The following ANKRD11 variants were observed in gnomAD, a reference collection of about 807,000 sequenced individuals.
The protein encoded by ANKRD11 is ankyrin repeat domain 11.
Under a neutral mutation model 195.7 loss-of-function variants are expected in ANKRD11, and 17 were observed. The ratio of observed to expected loss-of-function variants is 0.09; its 90% CI spans 0.06 to 0.13. The LOEUF is 0.13. Ranked by LOEUF, ANKRD11 falls within the 10% of genes least tolerant of loss-of-function variation. The pLI is 1.00. For synonymous variants in ANKRD11, 1,953 were observed against 1,528.1 expected (o/e 1.28, Z -6.49); for missense variants, 3,735 against 3,566.1 (o/e 1.05, Z -1.21).
chr16:89,488,624 C>T (rs1483597016), intron 1 of ANKRD11, among the ~76,000 whole-genome samples: 1 of 152,168 alleles, frequency 6.6e-6, no homozygotes, highest in Non-Finnish European at 1.5e-5. Flanking sequence ...ATGCCATAGA[C>T]TAGGTCTGCA....
chr16:89,431,625 T>C (rs1292599234), intron 1 of ANKRD11, among the ~76,000 whole-genome samples: 1 of 152,162 alleles, frequency 6.6e-6, no homozygotes, highest in African/African-American at 2.4e-5. Flanking sequence ...TTTGTTTCAC[T>C]TGCTACATCT....
chr16:89,274,125 G>A (rs190373684), intron 11 of ANKRD11, among the ~76,000 whole-genome samples: 1 of 152,344 alleles, frequency 6.6e-6, no homozygotes, highest in African/African-American at 2.4e-5. Context: ...AGGAGTCCCT[G>A]GCACATGGGC....
At chr16:89,302,316 A>C (rs1470948835) in intron 4 of ANKRD11, among the ~76,000 whole-genome samples, 1 of 152,128 alleles carries the variant, frequency 6.6e-6, no homozygotes, top group Non-Finnish European at 1.5e-5. Context: ...GCAATGGCGC[A>C]ATCTTGGCTC....
chr16:89,418,365 T>C lies in ANKRD11; in HGVS notation c.-141A>G. On this transcript the variant is annotated 5_prime_UTR_variant, in exon 2 of 13. In the 5' UTR this introduces an upstream ATG that the reference lacks. Transcript: ENST00000301030. ...GTGTGTCCCAGAGCAGGGCTGTATA[T>C]ATTCTGAAACAAGAGAGTGAGATTA... 1 of 444,144 alleles carries C rather than the reference T, an allele frequency of 2.3e-6. No homozygotes were observed. Among genetic ancestry groups the C allele is most frequent in the Non-Finnish European group, 4.5e-6 (1 of 220,594 alleles). 27.5% of individuals were successfully genotyped at this position (444,144 alleles called of 1,614,324 possible). A position where few individuals can be genotyped will look rare whatever the true frequency, so the allele number is the denominator to read the frequency against.
chr16:89,358,046 T>G (rs908334417), intron 2 of ANKRD11, among the ~76,000 whole-genome samples: 6 of 152,238 alleles, frequency 3.9e-5, no homozygotes, highest in Non-Finnish European at 5.9e-5. Context: ...CTCTTACTGC[T>G]TTGAACAATG....
intron 4 of ANKRD11, among the ~76,000 whole-genome samples, chr16:89,301,115 T>C (rs2035828274): frequency 6.6e-6 from 1 of 152,176 alleles, no homozygotes; most frequent in East Asian, 1.9e-4. Flanking sequence ...TTTATCTATT[T>C]TATTTTTTAT....
intron 1 of ANKRD11, among the ~76,000 whole-genome samples, chr16:89,463,200 A>G (rs1383989788): frequency 1.3e-5 from 2 of 152,254 alleles, no homozygotes; most frequent in Non-Finnish European, 2.9e-5. Context: ...AGAACGGGCC[A>G]TGATGACAGT....
chr16:89,350,113 G>A (rs117398659), intron 2 of ANKRD11, among the ~76,000 whole-genome samples: 264 of 152,286 alleles, frequency 1.7e-3, no homozygotes, highest in Non-Finnish European at 1.3e-3. Context: ...AACATCATTT[G>A]TCACTAGGGC....
intron 1 of ANKRD11, among the ~76,000 whole-genome samples, chr16:89,436,076 A>T (rs918153862): frequency 3.3e-5 from 5 of 152,186 alleles, no homozygotes; most frequent in African/African-American, 9.7e-5. Context: ...GCAAAAGGAA[A>T]GATTCCCCAT....
chr16:89,273,473 G>A (rs893790812), intron 11 of ANKRD11, among the ~76,000 whole-genome samples: 5 of 152,186 alleles, frequency 3.3e-5, no homozygotes, highest in East Asian at 1.9e-4. Flanking sequence ...AGGCTGAGGC[G>A]GGTGGATCAT....
intron 2 of ANKRD11, among the ~76,000 whole-genome samples, chr16:89,370,425 C>T (rs1376116063): frequency 6.6e-6 from 1 of 152,178 alleles, no homozygotes; most frequent in Non-Finnish European, 1.5e-5. Flanking sequence ...CCTGAGCCCT[C>T]CTGCCGTTAT....
At chr16:89,423,554 G>A (rs1039739842) in intron 1 of ANKRD11, among the ~76,000 whole-genome samples, 1 of 152,200 alleles carries the variant, frequency 6.6e-6, no homozygotes, top group African/African-American at 2.4e-5. Flanking sequence ...TGAGATGTGT[G>A]GTTAGAGTTA....
chr16:89,369,382 G>A (rs2040094185), intron 2 of ANKRD11, among the ~76,000 whole-genome samples: 1 of 152,232 alleles, frequency 6.6e-6, no homozygotes, highest in South Asian at 2.1e-4. Flanking sequence ...TGACCCGCAT[G>A]ACCCTGCCAC....
intron 1 of ANKRD11, among the ~76,000 whole-genome samples, chr16:89,424,093 G>C (rs563664679): frequency 6.6e-6 from 1 of 152,182 alleles, no homozygotes; most frequent in East Asian, 1.9e-4. Context: ...TAAACTACCT[G>C]CTGTGACTGC....
Position 89,391,273 on chromosome 16 carries a change from G to A in ANKRD11, c.-60+27011C>T, listed in dbSNP as rs550313965. On this transcript the variant is annotated intron_variant, in intron 2 of 12. Coordinates refer to ENST00000301030, the MANE Select transcript of ANKRD11 (RefSeq NM_013275.6). Reference sequence around the variant, plus strand: ...ATGATTGAACCCAAGGAGGGGTCACGGAACCCCAGATTCAGGGCAGGTCGC... The same window carrying A: ...ATGATTGAACCCAAGGAGGGGTCACAGAACCCCAGATTCAGGGCAGGTCGC... Among the ~76,000 whole-genome samples, 43 of 151,842 alleles carry A rather than the reference G, an allele frequency of 2.8e-4. No individual in the cohort carries two copies. In the South Asian group the frequency reaches 7.5e-3, roughly 27 times the overall value.
At position 89,282,741 on chromosome 16, in the gene ANKRD11, C is replaced by G; in HGVS notation, c.3801G>C (p.Glu1267Asp). 1.2e-6 allele frequency: 2 copies of G among 1,613,768 alleles called. No homozygotes were observed. Among genetic ancestry groups the G allele is most frequent in the South Asian group, 1.1e-5 (1 of 91,074 alleles). Residue 1267 changes from glutamate to aspartate, a missense_variant, in exon 9 of 13, where the codon GAG (glutamate) becomes GAC (aspartate). Glu to Asp is a conservative substitution (Grantham distance 45). Transcript: ENST00000301030. ...KEKSDKEHSK[E>D]RKSSRSADAE... ...CGTCGGCACTTCTCGAGGACTTCCT[C>G]TCCTTGGAATGTTCTTTGTCCGACT...
At chr16:89,344,757 G>A (rs2038859450) in intron 2 of ANKRD11, among the ~76,000 whole-genome samples, 1 of 150,808 alleles carries the variant, frequency 6.6e-6, no homozygotes, top group Admixed American at 6.6e-5. Flanking sequence ...GAGGGCACGG[G>A]AGCACAGCGG....
At chr16:89,359,478 C>T (rs3114875) in intron 2 of ANKRD11, among the ~76,000 whole-genome samples, 1 of 152,248 alleles carries the variant, frequency 6.6e-6, no homozygotes, top group Non-Finnish European at 1.5e-5. Context: ...TCGGCCCCCA[C>T]TGCTTCGGGA....
intron 1 of ANKRD11, among the ~76,000 whole-genome samples, chr16:89,423,414 G>A (rs1477364283): frequency 6.6e-6 from 1 of 152,246 alleles, no homozygotes; most frequent in Non-Finnish European, 1.5e-5. Context: ...GCTTCCCACA[G>A]AACGGCCCGC....
Sources: gnomAD v4.1 joint callset for allele counts (sites outside exome capture counted in the v4.1 genomes callset) on GRCh38, gnomAD v4.1.1 for gene constraint, MANE v1.5 for transcripts, NCBI Gene and HGNC (gene_info 2026-07-23, HGNC 2026-07-21) for gene names.